The following DGKB variants were observed in gnomAD, a reference collection of about 807,000 sequenced individuals.
DGKB encodes diacylglycerol kinase beta.
DGKB carries 67 observed loss-of-function variants against 114.3 expected under a neutral mutation model. The observed-to-expected ratio is 0.59, with a 90% CI of 0.48 to 0.72. DGKB has a LOEUF of 0.72. Among genes scored for constraint, DGKB ranks in the 30% least tolerant of loss-of-function variants. DGKB has a pLI of 0.00. For missense variants in DGKB, 907 were observed against 975.2 expected (o/e 0.93, Z 0.93); for synonymous variants, 398 against 323.1 (o/e 1.23, Z -2.49).
intron 20 of DGKB, among the ~76,000 whole-genome samples, chr7:14,563,457 G>A (rs1239302115): frequency 2.0e-5 from 3 of 152,108 alleles, no homozygotes; most frequent in African/African-American, 7.2e-5. Flanking sequence ...TGAGTTGACA[G>A]AATTGAGTGA....
chr7:14,936,886 A>G (rs1785296420), intron 1 of DGKB, among the ~76,000 whole-genome samples: 1 of 151,934 alleles, frequency 6.6e-6, no homozygotes, highest in African/African-American at 2.4e-5. Flanking sequence ...CTTGGAGGGG[A>G]CTAGGCTTTC....
chr7:14,661,097 G>A (rs4436015), intron 13 of DGKB, among the ~76,000 whole-genome samples: 112,599 of 151,286 alleles, frequency 0.74, 42,034 homozygotes, highest in Admixed American at 0.83. Context: ...AAACCACAAA[G>A]ACCCTAGAAG....
chr7:14,283,619 CA>C (rs1409236100), intron 23 of DGKB, among the ~76,000 whole-genome samples: 2 of 149,990 alleles, frequency 1.3e-5, no homozygotes, highest in African/African-American at 5.1e-5. Context: ...AACTATACTA[CA>C]AGGCTACAGT....
intron 23 of DGKB, among the ~76,000 whole-genome samples, chr7:14,243,850 C>T (rs1171432141): frequency 2.0e-5 from 3 of 152,064 alleles, no homozygotes; most frequent in Non-Finnish European, 2.9e-5. Flanking sequence ...ATTGTCGTAA[C>T]TTGAAACTAA....
At chr7:14,252,361 A>G (rs1171784725) in intron 23 of DGKB, among the ~76,000 whole-genome samples, 6 of 152,080 alleles carry the variant, frequency 3.9e-5, no homozygotes, top group African/African-American at 1.4e-4. Context: ...TGATACTTTG[A>G]TACTATCATG....
intron 1 of DGKB, among the ~76,000 whole-genome samples, chr7:14,911,915 T>C (rs1289632598): frequency 6.6e-6 from 1 of 152,212 alleles, no homozygotes; most frequent in Non-Finnish European, 1.5e-5. Context: ...TAAAACAGTA[T>C]GCAGATGCCA....
intron 2 of DGKB, among the ~76,000 whole-genome samples, chr7:14,771,834 C>A (rs1421416755): frequency 6.6e-6 from 1 of 152,090 alleles, no homozygotes; most frequent in African/African-American, 2.4e-5. Context: ...AGATAATCAA[C>A]TAAGCGCCAG....
chr7:14,466,183 G>A (rs2128878082), intron 21 of DGKB, among the ~76,000 whole-genome samples: 1 of 152,234 alleles, frequency 6.6e-6, no homozygotes, highest in Non-Finnish European at 1.5e-5. Context: ...ATCTTTCATT[G>A]AAAAATACGA....
At chr7:14,901,608 C>CCA (rs1178841090) in intron 1 of DGKB, among the ~76,000 whole-genome samples, 1 of 138,442 alleles carries the variant, frequency 7.2e-6, no homozygotes, top group Non-Finnish European at 1.6e-5. Context: ...GATTTCCACC[C>CCA]CCCCCCACCC....
intron 7 of DGKB, among the ~76,000 whole-genome samples, chr7:14,700,417 T>C (rs150786016): frequency 0.018 from 2,742 of 152,180 alleles, 32 homozygotes; most frequent in Middle Eastern, 0.051. Context: ...TTTCACCATG[T>C]TGGCCAGCTG....
intron 1 of DGKB, among the ~76,000 whole-genome samples, chr7:14,950,094 A>G (rs1786102327): frequency 2.0e-5 from 3 of 146,588 alleles, no homozygotes; most frequent in Admixed American, 2.0e-4. Flanking sequence ...TAGAACTTAA[A>G]AGTATAATAA....
chr7:14,164,594 G>T (rs2128228164), intron 25 of DGKB, among the ~76,000 whole-genome samples: 2 of 152,230 alleles, frequency 1.3e-5, no homozygotes, highest in South Asian at 4.1e-4. Flanking sequence ...AATTATGAAA[G>T]TTAAACATTA....
chr7:14,929,007 G>GTAC (rs1423466686), intron 1 of DGKB, among the ~76,000 whole-genome samples: 1 of 146,216 alleles, frequency 6.8e-6, no homozygotes, highest in African/African-American at 2.6e-5. Context: ...TGGCTGAAAA[G>GTAC]TACTGCATTG....
chr7:14,583,175 T>C, intron 17 of DGKB, 38 bp from the exon 18 acceptor site: 4 of 1,288,334 alleles, frequency 3.1e-6, no homozygotes, highest in Non-Finnish European at 4.4e-6. Context: ...GATTAATAGT[T>C]TAAAAATAAG....
intron 21 of DGKB, among the ~76,000 whole-genome samples, chr7:14,351,461 A>T (rs1225956277): frequency 1.3e-5 from 2 of 152,202 alleles, no homozygotes; most frequent in Non-Finnish European, 2.9e-5. Context: ...AGGGAAAGGG[A>T]GGATACATTT....
At chr7:14,800,261 G>T (rs1270133543) in intron 2 of DGKB, among the ~76,000 whole-genome samples, 1 of 152,204 alleles carries the variant, frequency 6.6e-6, no homozygotes, top group Non-Finnish European at 1.5e-5. Context: ...CTAGGCCCCA[G>T]TGTGATGGTT....
chr7:14,922,692 G>A (rs1784568244), intron 1 of DGKB, among the ~76,000 whole-genome samples: 1 of 152,006 alleles, frequency 6.6e-6, no homozygotes, highest in Admixed American at 6.6e-5. Flanking sequence ...TCCTCTCTCT[G>A]CTACTAAATA....
chr7:14,803,822 C>T (rs1451288387), intron 2 of DGKB, among the ~76,000 whole-genome samples: 2 of 151,990 alleles, frequency 1.3e-5, no homozygotes, highest in Admixed American at 6.6e-5. Flanking sequence ...CCCTTATATG[C>T]TTAATACAAA....
Position 14,593,859 on chromosome 7 carries a change from C to T in DGKB, c.1434-10722G>A, listed in dbSNP as rs113802916. 2.5e-3 allele frequency among the ~76,000 whole-genome samples: 376 copies of T among 151,614 alleles called. 2 individuals carry two copies. Among genetic ancestry groups the T allele is most frequent in the African/African-American group, 8.7e-3 (361 of 41,346 alleles). Reference sequence around the variant, plus strand: ...AACAACACAGGAGATTTGCAGCATCCAATCAGAAGGGGCCCAGTTCACCAG... The same window carrying T: ...AACAACACAGGAGATTTGCAGCATCTAATCAGAAGGGGCCCAGTTCACCAG... On this transcript the variant is annotated intron_variant, in intron 17 of 25. Coordinates refer to ENST00000402815, the MANE Select transcript of DGKB (RefSeq NM_001350709.2).
Sources: allele counts gnomAD v4.1 joint callset (sites outside exome capture counted in the v4.1 genomes callset), GRCh38; gene constraint gnomAD v4.1.1; transcripts MANE v1.5; gene names NCBI Gene and HGNC (gene_info 2026-07-23, HGNC 2026-07-21).